The following ZNF648 variants were observed in gnomAD, a reference collection of about 807,000 sequenced individuals.
The protein encoded by ZNF648 is zinc finger protein 648.
A neutral mutation model predicts 0.3 loss-of-function variants in ZNF648; 1 was observed. That is an observed-to-expected ratio of 3.90 (90% CI 1.39 to 18.51). ZNF648 has a LOEUF of 18.51. Ranked by LOEUF, ZNF648 falls within the 30% of genes most tolerant of loss-of-function variation. The pLI, the probability that ZNF648 is intolerant of heterozygous loss-of-function variation, is 0.11. For missense variants in ZNF648, 874 were observed against 769.7 expected (o/e 1.14, Z -1.60); for synonymous variants, 376 against 326.8 (o/e 1.15, Z -1.62).
At chr1:182,062,151 G>A (rs1298001860), upstream of ZNF648, among the ~76,000 whole-genome samples, 1 of 152,202 alleles carries the variant, frequency 6.6e-6, no homozygotes, top group Admixed American at 6.5e-5. Flanking sequence ...CTTTGTAGCA[G>A]CCCATTCATT....
At chr1:182,058,113 G>A in intron 1 of ZNF648, 40 bp from the exon 2 acceptor site, 2 of 1,398,738 alleles carry the variant, frequency 1.4e-6, no homozygotes, top group Non-Finnish European at 1.9e-6. Flanking sequence ...CACAAAGAAT[G>A]TACTTAATCA....
In ZNF648 at chr1:182,057,224, T is replaced by C. The variant is rs376680007; in HGVS notation, c.787A>G (p.Ser263Gly). The C allele has an allele frequency of 1.1e-5, 17 of 1,567,042 alleles. No homozygotes were observed. In the African/African-American group the frequency reaches 2.2e-4, roughly 20 times the overall value. Reference sequence around the variant, plus strand: ...GTCTCCGCGGGGCTCAGCGGCTTGCTGGGCTTCTGAAAGGCCCGCCCGCCC... The same window carrying C: ...GTCTCCGCGGGGCTCAGCGGCTTGCCGGGCTTCTGAAAGGCCCGCCCGCCC... The part of the protein sequence containing the change: ...LRGGRAFQKP[S>G]KPLSPAETRG... Residue 263 changes from serine to glycine, a missense_variant, in exon 2 of 2, where the codon AGC becomes GGC. Ser to Gly is a moderately conservative substitution (Grantham distance 56, BLOSUM62 0). Coordinates refer to ENST00000339948, the MANE Select transcript of ZNF648 (RefSeq NM_001009992.1).
chr1:182,056,973 G>C lies in ZNF648; in HGVS notation c.1038C>G (p.Arg346=), dbSNP rs762074747. 1 of 1,613,796 alleles carries C rather than the reference G, an allele frequency of 6.2e-7. No individual in the cohort carries two copies. The highest frequency in any genetic ancestry group is 8.5e-7 in the Non-Finnish European group (1 of 1,179,944). Residue 346 remains arginine, a synonymous_variant, in exon 2 of 2, where the codon CGC becomes CGG. Coordinates refer to ENST00000339948, the MANE Select transcript of ZNF648 (RefSeq NM_001009992.1). Reference sequence around the variant, plus strand: ...GCTGGTGTTTGCGCAGGTCCGAAGAGCGCACGAAGGCCTTCCCGCAGTCTG... The same window carrying C: ...GCTGGTGTTTGCGCAGGTCCGAAGACCGCACGAAGGCCTTCCCGCAGTCTG... ...PCPDCGKAFV[R]SSDLRKHQRN...
rs752864592 is a variant in ZNF648 at position 182,056,810 on chromosome 1, A to T, written c.1201T>A (p.Phe401Ile). 3 of 1,554,062 alleles carry T rather than the reference A, an allele frequency of 1.9e-6. No individual in the cohort carries two copies. The East Asian group carries it at 7.3e-5, about 38-fold the overall frequency. ...PFRCPACDRE[F>I]AVASRMVEHQ... ...TCCACCATGCGGCTGGCCACAGCGA[A>T]CTCCCGGTCGCAGGCGGGGCAGCGG... Residue 401 changes from phenylalanine (F) to isoleucine (I), a missense_variant, in exon 2 of 2, where the codon TTC (phenylalanine) becomes ATC (isoleucine). Coordinates refer to ENST00000339948, the MANE Select transcript of ZNF648 (RefSeq NM_001009992.1).
rs191639238 is a variant in ZNF648 at position 182,055,344 on chromosome 1, A to T, written c.*960T>A. 190 of 152,390 alleles carry T rather than the reference A, an allele frequency of 1.2e-3. No homozygotes were observed. The highest frequency in any genetic ancestry group is 4.4e-3 in the African/African-American group (183 of 41,598). The allele number at this position is 152,390 out of a possible 1,614,324, so 9.4% of individuals were successfully genotyped here. A position where few individuals can be genotyped will look rare whatever the true frequency, so the allele number is the denominator to read the frequency against. On this transcript the variant is annotated 3_prime_UTR_variant, in exon 2 of 2. Coordinates refer to ENST00000339948, the MANE Select transcript of ZNF648 (RefSeq NM_001009992.1). This position sits in a 1 kb window ranked among gnomAD's most constrained non-coding sequence, Gnocchi z 4.1. ...AGGGTGTTTTGTTCACTTCAAGTCA[A>T]GACTAATGATTCAGACAAATTTAAA...
At chr1:182,062,476 CTGGGTT>C (rs1412459948), upstream of ZNF648, among the ~76,000 whole-genome samples, 5 of 152,238 alleles carry the variant, frequency 3.3e-5, no homozygotes, top group Admixed American at 2.6e-4. Flanking sequence ...CGGTCTGGGT[CTGGGTT>C]TGAATCTTAC....
chr1:182,069,347 T>C, the ZNF648 span: 1 of 152,238 alleles, frequency 6.6e-6, no homozygotes, highest in Non-Finnish European at 1.5e-5. Context: ...TCACAGGAGA[T>C]GTGGAAGGGC....
the ZNF648 span, among the ~76,000 whole-genome samples, chr1:182,067,880 A>C: frequency 6.6e-6 from 1 of 152,184 alleles, no homozygotes; most frequent in Non-Finnish European, 1.5e-5. Context: ...CACATCTTTC[A>C]AGGCCACAGA....
At chr1:182,062,106 T>G (rs1186275238), upstream of ZNF648, among the ~76,000 whole-genome samples, 1 of 152,136 alleles carries the variant, frequency 6.6e-6, no homozygotes, top group Non-Finnish European at 1.5e-5. Flanking sequence ...GGACTGTGAG[T>G]TGCAGAACTG....
At position 182,057,640 on chromosome 1, in the gene ZNF648, C is replaced by G; in HGVS notation, c.371G>C (p.Gly124Ala). 2 of 1,614,230 alleles carry G rather than the reference C, an allele frequency of 1.2e-6. No individual in the cohort carries two copies. Among genetic ancestry groups the G allele is most frequent in the Non-Finnish European group, 1.7e-6 (2 of 1,180,036 alleles). The change falls in exon 2 of 2, where the codon GGT (glycine) becomes GCT (alanine). Residue 124 changes from glycine (G) to alanine (A), a missense_variant. Gly to Ala is a moderately conservative substitution (Grantham distance 60). Coordinates refer to ENST00000339948, the MANE Select transcript of ZNF648 (RefSeq NM_001009992.1). Reference protein sequence around the residue: ...QGSPGASRALGSLPSGLAHKL... With the variant: ...QGSPGASRALASLPSGLAHKL... ...GTGTGCGAGACCACTGGGAAGGGAA[C>G]CCAGAGCTCTGCTTGCTCCCGGGGA...
At chr1:182,059,375 A>G (rs1665993670) in intron 1 of ZNF648, among the ~76,000 whole-genome samples, 1 of 152,196 alleles carries the variant, frequency 6.6e-6, no homozygotes, top group African/African-American at 2.4e-5. Flanking sequence ...TTGGTTAACA[A>G]GGATTGGATG....
At chr1:182,064,410 A>G (rs979979378), upstream of ZNF648, 9 of 151,898 alleles carry the variant, frequency 5.9e-5, no homozygotes, top group Non-Finnish European at 1.0e-4. Context: ...TGAAGCTGCA[A>G]CTCTTCTGAA....
In ZNF648 at chr1:182,057,428, G is replaced by A; in HGVS notation, c.583C>T (p.Pro195Ser). 1 of 1,614,186 alleles carries A rather than the reference G, an allele frequency of 6.2e-7. No homozygotes were observed. Among genetic ancestry groups the A allele is most frequent in the Non-Finnish European group, 8.5e-7 (1 of 1,180,040 alleles). ...GTGGGAAGGTCCCAGTTGCTCCCCG[G>A]CCTGGGGAAACACAACAGAGAAGAG... ...GNSSLLCFPR[P>S]GSNWDLPTQE... The change falls in exon 2 of 2, where the codon CCG becomes TCG. Residue 195 changes from proline (P) to serine (S), a missense_variant. Coordinates refer to ENST00000339948, the MANE Select transcript of ZNF648 (RefSeq NM_001009992.1).
In ZNF648 at chr1:182,057,428, G is replaced by C. The variant is rs1665949765; in HGVS notation, c.583C>G (p.Pro195Ala). ...GTGGGAAGGTCCCAGTTGCTCCCCG[G>C]CCTGGGGAAACACAACAGAGAAGAG... ...GNSSLLCFPR[P>A]GSNWDLPTQE... is the part of the protein sequence containing the mutation. Residue 195 changes from proline (P) to alanine (A), a missense_variant, in exon 2 of 2, where the codon CCG becomes GCG. Physicochemically the swap from Pro to Ala is conservative, Grantham distance 27. Transcript: ENST00000339948. The C allele has an allele frequency of 2.5e-6, 4 of 1,614,068 alleles. No homozygotes were observed. Among genetic ancestry groups the C allele is most frequent in the Non-Finnish European group, 3.4e-6 (4 of 1,180,048 alleles).
chr1:182,057,345 C>T lies in ZNF648; in HGVS notation c.666G>A (p.Ala222=), dbSNP rs1246374782. Reference sequence around the variant, plus strand: ...TGCTGTTCCGCGCTTTTGCCAGGACCGCGGCAGCCAGGCTGGCTGGGGTGG... The same window carrying T: ...TGCTGTTCCGCGCTTTTGCCAGGACTGCGGCAGCCAGGCTGGCTGGGGTGG... ...ASATPASLAA[A]VLAKARNSRK... The change falls in exon 2 of 2, where the codon GCG becomes GCA. Residue 222 remains alanine, a synonymous_variant. Coordinates refer to ENST00000339948, the MANE Select transcript of ZNF648 (RefSeq NM_001009992.1). 1.2e-6 allele frequency: 2 copies of T among 1,610,394 alleles called. No homozygotes were observed. The highest frequency in any genetic ancestry group is 2.7e-5 in the African/African-American group (2 of 74,940).
Position 182,057,335 on chromosome 1 carries a change from T to C in ZNF648, c.676A>G (p.Lys226Glu), listed in dbSNP as rs756285936. The change falls in exon 2 of 2, where the codon AAA becomes GAA. Residue 226 changes from lysine (K) to glutamate (E), a missense_variant. Lys to Glu is a moderately conservative substitution (Grantham distance 56). Transcript: ENST00000339948. ...TGTACTTTCCTGCTGTTCCGCGCTT[T>C]TGCCAGGACCGCGGCAGCCAGGCTG... ...PASLAAAVLA[K>E]ARNSRKVQNQ... 187 of 1,609,498 alleles carry C rather than the reference T, an allele frequency of 1.2e-4. No individual in the cohort carries two copies. Among genetic ancestry groups the C allele is most frequent in the Non-Finnish European group, 1.4e-4 (169 of 1,179,772 alleles).
Position 182,056,534 on chromosome 1 carries a change from G to A in ZNF648, c.1477C>T (p.Arg493Trp), listed in dbSNP as rs562606540. Residue 493 changes from arginine (R) to tryptophan (W), a missense_variant, in exon 2 of 2, where the codon CGG becomes TGG. By Grantham distance (101) the Arg-to-Trp change is moderately radical (BLOSUM62 -3). Transcript: ENST00000339948. ...QAFARSSTLKRHQQIHSGEKG... is the reference protein window; with the variant it reads ...QAFARSSTLKWHQQIHSGEKG... ...TCCCCGGAGTGGATCTGTTGGTGCC[G>A]CTTCAGGGTCGAAGAGCGGGCAAAG... 4.0e-5 allele frequency: 64 copies of A among 1,614,078 alleles called. No homozygotes were observed. In the South Asian group the frequency reaches 6.5e-4, roughly 16 times the overall value.
chr1:182,056,360 G>C lies in ZNF648; in HGVS notation c.1651C>G (p.Arg551Gly), dbSNP rs200158222. 180 of 1,614,054 alleles carry C rather than the reference G, an allele frequency of 1.1e-4. 5 individuals are homozygous for C. Among genetic ancestry groups the C allele is most frequent in the South Asian group, 3.4e-4 (31 of 91,054 alleles). The part of the protein sequence containing the change: ...FTRSNHLQRH[R>G]AKHGTCKKEP... ...TTCTTGCAGGTGCCGTGCTTGGCTCGGTGTCGTTGGAGGTGATTGGACCTG... is the reference window on the plus strand; with the variant it reads ...TTCTTGCAGGTGCCGTGCTTGGCTCCGTGTCGTTGGAGGTGATTGGACCTG... Residue 551 changes from arginine to glycine, a missense_variant, in exon 2 of 2, where the codon CGA becomes GGA. Coordinates refer to ENST00000339948, the MANE Select transcript of ZNF648 (RefSeq NM_001009992.1).
rs1232006224 is a variant in ZNF648 at position 182,057,648 on chromosome 1, T to A, written c.363A>T (p.Arg121Ser). 4.3e-6 allele frequency: 7 copies of A among 1,614,106 alleles called. No homozygotes were observed. Among genetic ancestry groups the A allele is most frequent in the Non-Finnish European group, 5.9e-6 (7 of 1,180,042 alleles). The change falls in exon 2 of 2, where the codon AGA (arginine) becomes AGT (serine). Residue 121 changes from arginine (R) to serine (S), a missense_variant. Coordinates refer to ENST00000339948, the MANE Select transcript of ZNF648 (RefSeq NM_001009992.1). ...NETQGSPGAS[R>S]ALGSLPSGLA... is the part of the protein sequence containing the mutation. ...GACCACTGGGAAGGGAACCCAGAGC[T>A]CTGCTTGCTCCCGGGGAACCCTGGG... is the stretch of plus-strand genomic sequence containing the variant.
Sources: gnomAD v4.1 joint callset for allele counts (sites outside exome capture counted in the v4.1 genomes callset) on GRCh38, gnomAD v4.1.1 for gene constraint, Gnocchi (gnomAD v3.1) non-coding constraint, MANE v1.5 for transcripts, NCBI Gene and HGNC (gene_info 2026-07-23, HGNC 2026-07-21) for gene names.